The following ZNF550 variants were observed in gnomAD, a reference collection of about 807,000 sequenced individuals.
ZNF550 encodes zinc finger protein 550.
In ZNF550, 42 loss-of-function variants were observed where a neutral mutation model predicts 40.2. That is an observed-to-expected ratio of 1.05 (90% confidence interval 0.82 to 1.35). The LOEUF is 1.35. Among genes scored for constraint, ZNF550 ranks in the 40% most tolerant of loss-of-function variants. The probability of loss-of-function intolerance (pLI) is 0.00; values close to 1 mark genes in which losing one functional copy is unlikely to be tolerated. For synonymous variants in ZNF550, 223 were observed against 198.6 expected (o/e 1.12, Z -1.03); for missense variants, 549 against 525.2 (o/e 1.05, Z -0.44).
intron 4 of ZNF550, chr19:57,544,247 A>G: frequency 3.0e-6 from 3 of 985,470 alleles, no homozygotes; most frequent in Non-Finnish European, 3.6e-6. Flanking sequence ...CTATCACAGC[A>G]GCAAGTTCAT....
intron 3 of ZNF550, among the ~76,000 whole-genome samples, chr19:57,549,360 G>A (rs1299061543): frequency 2.0e-5 from 3 of 152,044 alleles, no homozygotes; most frequent in Non-Finnish European, 4.4e-5. Context: ...CAGGAGAATC[G>A]CTTGAACCCG....
exon 4 of ZNF550, chr19:57,546,969 G>T: frequency 1.3e-6 from 2 of 1,598,636 alleles, no homozygotes; most frequent in Non-Finnish European, 1.7e-6. Context: ...CAGCAATAGG[G>T]TTCTCTCATG....
At chr19:57,556,455 G>A in intron 1 of ZNF550, 98 bp from the exon 2 acceptor site, 5 of 1,483,034 alleles carry the variant, frequency 3.4e-6, no homozygotes, top group Non-Finnish European at 4.6e-6. Context: ...AGAGATCCAG[G>A]TCTGAATCAA....
At chr19:57,552,225 C>T (rs1469880614) in intron 3 of ZNF550, among the ~76,000 whole-genome samples, 1 of 152,112 alleles carries the variant, frequency 6.6e-6, no homozygotes, top group Non-Finnish European at 1.5e-5. Context: ...TAAACCAAAC[C>T]CATTAATTCT....
chr19:57,547,134 G>C (rs1019434721), exon 4 of ZNF550: 1 of 1,610,716 alleles, frequency 6.2e-7, no homozygotes, highest in African/African-American at 1.3e-5. Flanking sequence ...TGCATTCATA[G>C]GGCTTCTCCC....
intron 4 of ZNF550, among the ~76,000 whole-genome samples, chr19:57,544,863 T>C (rs1408990386): frequency 6.6e-6 from 1 of 152,206 alleles, no homozygotes; most frequent in Non-Finnish European, 1.5e-5. Context: ...GGCTCACACC[T>C]GTAATCCCAG....
intron 3 of ZNF550, among the ~76,000 whole-genome samples, chr19:57,549,592 A>C (rs2090054876): frequency 1.3e-5 from 2 of 152,214 alleles, no homozygotes; most frequent in African/African-American, 4.8e-5. Flanking sequence ...CTAAAAGAGA[A>C]GCCAGAGTCA....
chr19:57,556,385 T>C, intron 1 of ZNF550, 28 bp from the exon 2 acceptor site: 4 of 1,604,512 alleles, frequency 2.5e-6, no homozygotes, highest in Non-Finnish European at 3.4e-6. Context: ...AGTAATGCTA[T>C]TGGCCTTGTG....
intron 1 of ZNF550, chr19:57,557,187 A>C (rs910933590): frequency 2.0e-5 from 3 of 151,920 alleles, no homozygotes; most frequent in Non-Finnish European, 4.4e-5. Context: ...CAGTTGAGAT[A>C]AGAGGAAGGC....
At chr19:57,555,138 GGTA>G (rs2090108240) in intron 2 of ZNF550, 1 of 152,086 alleles carries the variant, frequency 6.6e-6, no homozygotes, top group Non-Finnish European at 1.5e-5. Flanking sequence ...GTTTTGCTCT[GGTA>G]AGTGAGAAAG....
upstream of ZNF550, among the ~76,000 whole-genome samples, chr19:57,560,924 C>T (rs2090161729): frequency 1.3e-5 from 2 of 152,166 alleles, no homozygotes; most frequent in South Asian, 4.1e-4. Context: ...CCTGTGACCA[C>T]ACAGCATTCC....
intron 4 of ZNF550, chr19:57,546,437 G>T: frequency 1.0e-6 from 1 of 964,292 alleles, no homozygotes; most frequent in Non-Finnish European, 1.2e-6. Context: ...AGTCTGTAAG[G>T]ACATAAAGCA....
chr19:57,559,325 A>G (rs2090149598), intron 1 of ZNF550, among the ~76,000 whole-genome samples: 1 of 152,194 alleles, frequency 6.6e-6, no homozygotes, highest in Non-Finnish European at 1.5e-5. Flanking sequence ...CGAGGACAGT[A>G]ACGGGACTTG....
upstream of ZNF550, among the ~76,000 whole-genome samples, chr19:57,560,686 G>A (rs1338239715): frequency 6.6e-6 from 1 of 152,048 alleles, no homozygotes; most frequent in African/African-American, 2.4e-5. Context: ...TCTTAGAATT[G>A]GGGTGCCAAC....
chr19:57,557,434 C>A (rs1285215165), intron 1 of ZNF550: 2 of 152,080 alleles, frequency 1.3e-5, no homozygotes, highest in East Asian at 1.9e-4. Context: ...GTCCTTTGCT[C>A]ACATGTTTTC....
chr19:57,547,044 C>T (rs2090017365), exon 4 of ZNF550: 1 of 1,613,892 alleles, frequency 6.2e-7, no homozygotes. Flanking sequence ...ACTCGATACA[C>T]TTGTAGGGCA....
chr19:57,546,897 C>T lies in ZNF550; in HGVS notation c.*78G>A, dbSNP rs1778358649. 9.4e-6 allele frequency: 14 copies of T among 1,487,796 alleles called. No individual in the cohort carries two copies. In the African/African-American group the frequency reaches 1.8e-4, roughly 19 times the overall value. 92.2% of individuals were successfully genotyped at this position (1,487,796 alleles called of 1,614,324 possible). A position where few individuals can be genotyped will look rare whatever the true frequency, so the allele number is the denominator to read the frequency against. ...TTTGCATTCGAAGGACTTCTTCCTA[C>T]AGTGTGGGTCCCATTATGAATGATA... is the stretch of plus-strand genomic sequence containing the variant. On this transcript the variant is annotated 3_prime_UTR_variant, in exon 4 of 5. Transcript: ENST00000457177.
upstream of ZNF550, chr19:57,559,895 T>C (rs1490849773): frequency 4.6e-6 from 2 of 434,598 alleles, no homozygotes; most frequent in Non-Finnish European, 8.2e-6. Flanking sequence ...GCCACGCCTT[T>C]TCCTGCGCCG....
chr19:57,546,581 T>C, exon 4 of ZNF550: 1 of 1,002,632 alleles, frequency 1.0e-6, no homozygotes. Context: ...CAATAACAAT[T>C]ATGTAGTAAC....
Sources: gnomAD v4.1 joint callset for allele counts (sites outside exome capture counted in the v4.1 genomes callset) on GRCh38, gnomAD v4.1.1 for gene constraint, MANE v1.5 for transcripts, NCBI Gene and HGNC (gene_info 2026-07-23, HGNC 2026-07-21) for gene names.